NOTCH2: variants seen among roughly 807,000 people sequenced by gnomAD.
NOTCH2 encodes notch receptor 2, also known as neurogenic locus notch homolog protein 2.
A neutral mutation model predicts 235.8 loss-of-function variants in NOTCH2; 29 were observed. The ratio of observed to expected loss-of-function variants is 0.12; its 90% CI spans 0.09 to 0.17. The LOEUF is 0.17. Ranked by LOEUF, NOTCH2 falls within the 10% of genes least tolerant of loss-of-function variation. The pLI, the probability that NOTCH2 is intolerant of heterozygous loss-of-function variation, is 1.00. For missense variants in NOTCH2, 2,285 were observed against 3,150.2 expected, an observed-to-expected ratio of 0.73 and a Z score of 6.57; for synonymous variants, 1,086 against 1,141.5, an observed-to-expected ratio of 0.95 and a Z score of 0.98.
chr1:119,963,950 G>A (rs1260034368), intron 10 of NOTCH2, 143 bp from the exon 11 acceptor site: 12 of 732,078 alleles, frequency 1.6e-5, no homozygotes, highest in African/African-American at 6.9e-5. Flanking sequence ...AGAAAACGAC[G>A]ATCTGCATTG....
At chr1:119,925,019 G>A (rs1649422992) in intron 25 of NOTCH2, among the ~76,000 whole-genome samples, 1 of 152,180 alleles carries the variant, frequency 6.6e-6, no homozygotes, top group Admixed American at 6.5e-5. Context: ...GAGGCTGCTT[G>A]AAGTGGGAAA....
At chr1:120,047,428 C>T (rs1284956471) in intron 1 of NOTCH2, among the ~76,000 whole-genome samples, 6 of 77,400 alleles carry the variant, frequency 7.8e-5, no homozygotes, top group Admixed American at 6.3e-4. Context: ...CACCTGTAAT[C>T]CCAGCACTCT....
intron 4 of NOTCH2, among the ~76,000 whole-genome samples, chr1:119,988,237 T>C (rs1446488867): frequency 3.3e-5 from 5 of 152,182 alleles, no homozygotes; most frequent in African/African-American, 9.7e-5. Context: ...TGTGGCATTC[T>C]ACATCTGCTC....
At chr1:120,042,011 G>C (rs1261237803) in intron 1 of NOTCH2, among the ~76,000 whole-genome samples, 3 of 145,544 alleles carry the variant, frequency 2.1e-5, no homozygotes, top group Admixed American at 6.7e-5. Context: ...GCAAGCGAGC[G>C]AGCGAACGAG....
At chr1:119,933,563 A>C (rs942078957) in intron 22 of NOTCH2, among the ~76,000 whole-genome samples, 5 of 152,236 alleles carry the variant, frequency 3.3e-5, no homozygotes, top group African/African-American at 9.6e-5. Context: ...AGGGAACCTC[A>C]ATAAGATTAA....
chr1:120,009,724 G>A (rs1219426796), intron 2 of NOTCH2, among the ~76,000 whole-genome samples: 5 of 148,228 alleles, frequency 3.4e-5, no homozygotes, highest in African/African-American at 7.8e-5. Flanking sequence ...ACCACTCCAC[G>A]CACCGTTTTA....
intron 1 of NOTCH2, among the ~76,000 whole-genome samples, chr1:120,060,383 C>A (rs1317457958): frequency 5.3e-4 from 78 of 146,250 alleles, no homozygotes; most frequent in Non-Finnish European, 9.5e-4. Flanking sequence ...AAAAATAAAA[C>A]CTAGTGTTGA....
At position 119,919,293 on chromosome 1, in the gene NOTCH2, C is replaced by T. The variant is rs1280485450; in HGVS notation, c.5781+19G>A. 1 of 1,601,804 alleles carries T rather than the reference C, an allele frequency of 6.2e-7. No homozygotes were observed. The highest frequency in any genetic ancestry group is 1.3e-5 in the African/African-American group (1 of 74,772). ...GCCATAGGAATTATTATTCAAGTGA[C>T]TCTTCTCATGTTCTTTACCTGGAAG... On this transcript the variant is annotated intron_variant, in intron 31 of 33. Coordinates refer to ENST00000256646, the MANE Select transcript of NOTCH2 (RefSeq NM_024408.4).
intron 3 of NOTCH2, among the ~76,000 whole-genome samples, chr1:119,999,806 C>G (rs1234205148): frequency 3.3e-5 from 5 of 151,564 alleles, no homozygotes; most frequent in Non-Finnish European, 5.9e-5. Context: ...CACTCGAACC[C>G]AAGAGGTGGA....
Position 120,069,392 on chromosome 1 carries a change from G to A in NOTCH2, c.15C>T (p.Arg5=), listed in dbSNP as rs4021006. MPAL[R]PALLWALLAL... is the part of the protein sequence containing the mutation. ...CCAGCAGCGCCCACAGCAGAGCGGG[G>A]CGCAGGGCGGGCATCTTCTCGGTCG... is the stretch of plus-strand genomic sequence containing the variant. The change falls in exon 1 of 34, where the codon CGC becomes CGT. Residue 5 remains arginine, a synonymous_variant. Coordinates refer to ENST00000256646, the MANE Select transcript of NOTCH2 (RefSeq NM_024408.4). 188,460 of 1,543,762 alleles carry A rather than the reference G, an allele frequency of 0.12. 11,256 individuals are homozygous for A. The highest frequency in any genetic ancestry group is 0.19 in the South Asian group (14,984 of 80,442).
intron 17 of NOTCH2, among the ~76,000 whole-genome samples, chr1:119,943,810 A>G (rs1306718332): frequency 6.6e-6 from 1 of 152,170 alleles, no homozygotes; most frequent in African/African-American, 2.4e-5. Context: ...ATCAACTAGA[A>G]AACAACGATA....
In NOTCH2 at chr1:119,921,746, G is replaced by A. The variant is rs895442734; in HGVS notation, c.5277C>T (p.Val1759=). ...LIGTGTSEHW[V]DDEGPQPKKV... is the part of the protein sequence containing the mutation. Reference sequence around the variant, plus strand: ...TCTTTGGCTGGGGCCCTTCATCATCGACCCAGTGTTCACTTGTTCCAGTAC... The same window carrying A: ...TCTTTGGCTGGGGCCCTTCATCATCAACCCAGTGTTCACTTGTTCCAGTAC... The change falls in exon 29 of 34, where the codon GTC becomes GTT. Residue 1759 remains valine, a synonymous_variant. Transcript: ENST00000256646. The A allele has an allele frequency of 5.0e-6, 8 of 1,613,970 alleles. No homozygotes were observed. The highest frequency in any genetic ancestry group is 2.2e-5 in the East Asian group (1 of 44,890).
At position 120,069,584 on chromosome 1, in the gene NOTCH2, T is replaced by C; in HGVS notation, c.-178A>G. 1.4e-6 allele frequency: 2 copies of C among 1,405,552 alleles called. No homozygotes were observed. Among genetic ancestry groups the C allele is most frequent in the Non-Finnish European group, 1.8e-6 (2 of 1,089,142 alleles). The allele number at this position is 1,405,552 out of a possible 1,614,324, so 87.1% of individuals were successfully genotyped here. A position where few individuals can be genotyped will look rare whatever the true frequency, so the allele number is the denominator to read the frequency against. On this transcript the variant is annotated 5_prime_UTR_variant, in exon 1 of 34. Transcript: ENST00000256646. ...ATGCCTCGACTCCCCGCGCCCCGAG[T>C]CCGCCGCTCCTCGGCCGCCGCCTCA...
intron 21 of NOTCH2, 99 bp downstream of exon 21, chr1:119,937,183 C>T: frequency 5.9e-6 from 7 of 1,181,884 alleles, no homozygotes; most frequent in Non-Finnish European, 7.6e-6. Context: ...TATAAACTAT[C>T]AATATAAGAT....
chr1:120,002,539 A>C (rs190807116), intron 3 of NOTCH2, among the ~76,000 whole-genome samples: 1 of 149,452 alleles, frequency 6.7e-6, no homozygotes, highest in Non-Finnish European at 1.5e-5. Context: ...GAAAAAAAAA[A>C]ACATAACCTG....
intron 11 of NOTCH2, 128 bp downstream of exon 11, chr1:119,963,446 G>T: frequency 1.1e-6 from 1 of 895,338 alleles, no homozygotes; most frequent in Non-Finnish European, 1.9e-6. Context: ...TGTGGCTTTG[G>T]CTGTGCTTCT....
rs587679668 is a variant in NOTCH2, at chr1:119,997,308, G to A, written c.440C>T (p.Ala147Val). 5 of 1,614,006 alleles carry A rather than the reference G, an allele frequency of 3.1e-6. No individual in the cohort carries two copies. The East Asian group carries it at 8.9e-5, about 29-fold the overall frequency. Reference sequence around the variant, plus strand: ...ATTTGCACAGGGATGAGACAGGCAGGCATCCGTCCATTGGCACTCCTTACC... The same window carrying A: ...ATTTGCACAGGGATGAGACAGGCAGACATCCGTCCATTGGCACTCCTTACC... ...FTGKECQWTD[A>V]CLSHPCANGS... The change falls in exon 4 of 34, where the codon GCC becomes GTC. Residue 147 changes from alanine to valine, a missense_variant. This residue lies in a region of NOTCH2 where 431 missense variants were observed against 757.8 expected (regional missense o/e 0.57). Coordinates refer to ENST00000256646, the MANE Select transcript of NOTCH2 (RefSeq NM_024408.4).
chr1:120,046,019 A>G (rs1395539207), intron 1 of NOTCH2, among the ~76,000 whole-genome samples: 1 of 152,160 alleles, frequency 6.6e-6, no homozygotes, highest in Non-Finnish European at 1.5e-5. Flanking sequence ...ACATTTATAT[A>G]ATGTATAAAT....
At chr1:120,004,135 A>G (rs1374710478) in intron 3 of NOTCH2, among the ~76,000 whole-genome samples, 2 of 152,134 alleles carry the variant, frequency 1.3e-5, no homozygotes, top group African/African-American at 4.8e-5. Flanking sequence ...GAATAAAGGC[A>G]AGAAAACGTA....
Sources: gnomAD v4.1 joint callset for allele counts (sites outside exome capture counted in the v4.1 genomes callset) on GRCh38, gnomAD v4.1.1 for gene constraint, gnomAD v4.1.1 regional missense constraint, MANE v1.5 for transcripts, NCBI Gene and HGNC (gene_info 2026-07-23, HGNC 2026-07-21) for gene names.